NR1H4: variants seen among roughly 807,000 people sequenced by gnomAD.
NR1H4 encodes the protein bile acid receptor.
NR1H4 carries 23 observed loss-of-function variants against 58.5 expected under a neutral mutation model. The observed-to-expected ratio is 0.39, with a 90% CI of 0.28 to 0.56. NR1H4 has a LOEUF of 0.56. Among genes scored for constraint, NR1H4 ranks in the 20% least tolerant of loss-of-function variants. The pLI is 0.58. For missense variants in NR1H4, 487 were observed against 576.9 expected, an observed-to-expected ratio of 0.84 and a Z score of 1.60; for synonymous variants, 214 against 198.0, an observed-to-expected ratio of 1.08 and a Z score of -0.68.
chr12:100,490,876 G>A (rs961859287), intron 1 of NR1H4, among the ~76,000 whole-genome samples: 5 of 152,024 alleles, frequency 3.3e-5, no homozygotes, highest in East Asian at 3.9e-4. Context: ...CTGCAGCCTC[G>A]ACCTCCCAGG....
intron 1 of NR1H4, among the ~76,000 whole-genome samples, chr12:100,491,995 T>C (rs926228939): frequency 6.6e-6 from 1 of 152,188 alleles, no homozygotes; most frequent in Non-Finnish European, 1.5e-5. Context: ...AATATATAAT[T>C]ATCTATGTAT....
chr12:100,505,577 C>T, intron 3 of NR1H4: 1 of 701,080 alleles, frequency 1.4e-6, no homozygotes, highest in South Asian at 1.5e-5. Context: ...CTTTTCAGGG[C>T]TTCTCAGACT....
rs544859841 is a variant in NR1H4, at chr12:100,559,410, G to A, written c.1079-2475G>A. Among the ~76,000 whole-genome samples, 4 of 152,336 alleles carry A rather than the reference G, an allele frequency of 2.6e-5. No individual in the cohort carries two copies. In the East Asian group the frequency reaches 5.8e-4, roughly 22 times the overall value. ...AGACGCGAGCGGGAACCGGGGCTGC[G>A]TGCAGCGCTTGCAGGCCAGCTGGAA... On this transcript the variant is annotated intron_variant, in intron 9 of 10. Coordinates refer to ENST00000392986, the MANE Select transcript of NR1H4 (RefSeq NM_001206979.2).
chr12:100,523,551 T>A (rs142116895), intron 4 of NR1H4, among the ~76,000 whole-genome samples: 31 of 152,354 alleles, frequency 2.0e-4, no homozygotes, highest in African/African-American at 6.7e-4. Flanking sequence ...TAGAATCTTT[T>A]TAGTTTAATC....
intron 4 of NR1H4, among the ~76,000 whole-genome samples, chr12:100,531,172 G>A (rs973700079): frequency 6.6e-6 from 1 of 152,150 alleles, no homozygotes; most frequent in African/African-American, 2.4e-5. Context: ...AAGTTCAGAT[G>A]AGGCTGGGCG....
rs35404680 is a variant in NR1H4, at chr12:100,545,641, C to CAAAAAAAAAA, written c.1078+4842_1078+4851dup. On this transcript the variant is annotated intron_variant, in intron 9 of 10. Transcript: ENST00000392986. ...TGGGTGACAGAGTGAGACCTTGTCT[C>CAAAAAAAAAA]AAAAAAAAAAAAAAAAAAAAAAAAA... Among the ~76,000 whole-genome samples, 36 of 7,874 alleles carry CAAAAAAAAAA rather than the reference C, an allele frequency of 4.6e-3. 2 individuals are homozygous for CAAAAAAAAAA. The highest frequency in any genetic ancestry group is 0.015 in the African/African-American group (29 of 1,918). 5.2% of individuals were successfully genotyped at this position (7,874 alleles called of 152,430 possible).
intron 4 of NR1H4, among the ~76,000 whole-genome samples, chr12:100,519,165 A>T (rs190064970): frequency 6.6e-6 from 1 of 152,196 alleles, no homozygotes; most frequent in Non-Finnish European, 1.5e-5. Context: ...TTCAACTCAC[A>T]GCCCCTATGT....
intron 3 of NR1H4, among the ~76,000 whole-genome samples, chr12:100,507,348 T>G (rs1953990700): frequency 6.6e-6 from 1 of 152,246 alleles, no homozygotes; most frequent in South Asian, 2.1e-4. Flanking sequence ...TTTTGTGTAA[T>G]AATTCCATAT....
intron 5 of NR1H4, among the ~76,000 whole-genome samples, chr12:100,533,948 C>A (rs1459948253): frequency 6.6e-6 from 1 of 151,042 alleles, no homozygotes; most frequent in Non-Finnish European, 1.5e-5. Flanking sequence ...GGACTGCGGA[C>A]TGCAGTGGCG....
chr12:100,498,852 C>T (rs1953772911), intron 3 of NR1H4, among the ~76,000 whole-genome samples: 1 of 152,150 alleles, frequency 6.6e-6, no homozygotes, highest in African/African-American at 2.4e-5. Flanking sequence ...ACTTATCTTT[C>T]ATTTCCTTTG....
chr12:100,539,269 A>G (rs1472806195), intron 8 of NR1H4, among the ~76,000 whole-genome samples: 2 of 152,230 alleles, frequency 1.3e-5, no homozygotes, highest in Non-Finnish European at 2.9e-5. Flanking sequence ...ATTGACAATA[A>G]TGACAGAGAT....
In NR1H4 at chr12:100,510,938, G is replaced by T. The variant is rs1566444886; in HGVS notation, c.240G>T (p.Trp80Cys). The T allele has an allele frequency of 6.2e-7, 1 of 1,614,120 alleles. No homozygotes were observed. ...LGFYPQQPEE[W>C]YSPGIYELRR... is the part of the protein sequence containing the mutation. Reference sequence around the variant, plus strand: ...TCTACCCCCAGCAGCCTGAAGAGTGGTACTCTCCTGGAATATATGAACTCA... The same window carrying T: ...TCTACCCCCAGCAGCCTGAAGAGTGTTACTCTCCTGGAATATATGAACTCA... The change falls in exon 4 of 11, where the codon TGG becomes TGT. Residue 80 changes from tryptophan (W) to cysteine (C), a missense_variant. Coordinates refer to ENST00000392986, the MANE Select transcript of NR1H4 (RefSeq NM_001206979.2).
chr12:100,540,817 T>C lies in NR1H4; in HGVS notation c.1077T>C (p.Ser359=). The C allele has an allele frequency of 3.1e-6, 5 of 1,614,036 alleles. No individual in the cohort carries two copies. Among genetic ancestry groups the C allele is most frequent in the East Asian group, 2.2e-5 (1 of 44,866 alleles). Residue 359 remains serine, a splice_region_variant and synonymous_variant, in exon 9 of 11, where the codon AGT becomes AGC. Coordinates refer to ENST00000392986, the MANE Select transcript of NR1H4 (RefSeq NM_001206979.2). Reference sequence around the variant, plus strand: ...TATTGGAAGAAAGAATTCGAAATAGTGGTAAGTGATTTGGCTAATGGTAAA... The same window carrying C: ...TATTGGAAGAAAGAATTCGAAATAGCGGTAAGTGATTTGGCTAATGGTAAA... ...SDLLEERIRN[S]GISDEYITPM...
intron 9 of NR1H4, among the ~76,000 whole-genome samples, chr12:100,546,128 G>A (rs1454132463): frequency 6.6e-6 from 1 of 152,148 alleles, no homozygotes; most frequent in African/African-American, 2.4e-5. Context: ...GGCGGCAGCT[G>A]GAGGCTATCA....
chr12:100,505,620 G>T, intron 3 of NR1H4: 1 of 701,370 alleles, frequency 1.4e-6, no homozygotes, highest in Non-Finnish European at 2.6e-6. Flanking sequence ...TCTCATTTAA[G>T]AACTCGTCCC....
chr12:100,481,771 G>A (rs2136074107), intron 1 of NR1H4, among the ~76,000 whole-genome samples: 1 of 152,102 alleles, frequency 6.6e-6, no homozygotes, highest in South Asian at 2.1e-4. Flanking sequence ...AAAATTAGCT[G>A]GGCATGGTGG....
At chr12:100,484,274 CAA>C in intron 1 of NR1H4, among the ~76,000 whole-genome samples, 1 of 152,252 alleles carries the variant, frequency 6.6e-6, no homozygotes, top group East Asian at 1.9e-4. Flanking sequence ...AAATCAGAGT[CAA>C]AGTTATTTAA....
intron 3 of NR1H4, among the ~76,000 whole-genome samples, chr12:100,506,038 C>G (rs929924442): frequency 2.3e-5 from 3 of 132,166 alleles, no homozygotes; most frequent in African/African-American, 1.0e-4. Flanking sequence ...CACACACACA[C>G]ACACAGAGAG....
chr12:100,504,938 T>A (rs774414254), intron 3 of NR1H4, among the ~76,000 whole-genome samples: 1 of 152,116 alleles, frequency 6.6e-6, no homozygotes, highest in Non-Finnish European at 1.5e-5. Flanking sequence ...CTGGGGGAAC[T>A]GGGGCAGACC....
Sources: allele counts gnomAD v4.1 joint callset (sites outside exome capture counted in the v4.1 genomes callset), GRCh38; gene constraint gnomAD v4.1.1; transcripts MANE v1.5; gene names NCBI Gene and HGNC (gene_info 2026-07-23, HGNC 2026-07-21).